Variants in PARD3B observed in about 807,000 individuals in gnomAD.
The protein encoded by PARD3B is par-3 family cell polarity regulator beta, also known as partitioning defective 3 homolog B.
PARD3B carries 103 observed loss-of-function variants against 130.2 expected under a neutral mutation model. The ratio of observed to expected loss-of-function variants is 0.79; its 90% CI spans 0.67 to 0.93. The LOEUF (loss-of-function observed/expected upper bound fraction) is 0.93, where lower values mean the gene tolerates loss of function less well. Ranked by LOEUF, PARD3B falls within the 40% of genes least tolerant of loss-of-function variation. The probability of loss-of-function intolerance (pLI) is 0.00; values close to 1 mark genes in which losing one functional copy is unlikely to be tolerated. For missense variants in PARD3B, 1,609 were observed against 1,499.2 expected, an observed-to-expected ratio of 1.07 and a Z score of -1.21; for synonymous variants, 583 against 553.2, an observed-to-expected ratio of 1.05 and a Z score of -0.76.
chr2:205,075,000 G>T (rs969835015), intron 4 of PARD3B, among the ~76,000 whole-genome samples: 2 of 152,106 alleles, frequency 1.3e-5, no homozygotes, highest in Non-Finnish European at 2.9e-5. Flanking sequence ...TAAGTTTGTT[G>T]TAGTGCCCAG....
intron 1 of PARD3B, among the ~76,000 whole-genome samples, chr2:204,607,961 T>G (rs951287291): frequency 6.6e-6 from 1 of 152,188 alleles, no homozygotes; most frequent in Non-Finnish European, 1.5e-5. Context: ...TTAGGAACCC[T>G]CAGTCTAGAA....
chr2:204,834,966 A>G (rs988789725), intron 2 of PARD3B, among the ~76,000 whole-genome samples: 1 of 152,222 alleles, frequency 6.6e-6, no homozygotes, highest in African/African-American at 2.4e-5. Flanking sequence ...TTTGAGTCCT[A>G]GTGTCACCAC....
At chr2:204,773,448 A>T (rs192971655) in intron 2 of PARD3B, among the ~76,000 whole-genome samples, 1 of 152,138 alleles carries the variant, frequency 6.6e-6, no homozygotes, top group Non-Finnish European at 1.5e-5. Flanking sequence ...TATAAATCAT[A>T]CAAAATACAA....
At chr2:205,127,958 A>G (rs2031624139) in intron 10 of PARD3B, among the ~76,000 whole-genome samples, 2 of 152,178 alleles carry the variant, frequency 1.3e-5, no homozygotes. Context: ...GTCTTTCTCT[A>G]CAAGGGTCAA....
intron 3 of PARD3B, among the ~76,000 whole-genome samples, chr2:205,004,728 C>T (rs921196251): frequency 6.6e-6 from 1 of 152,156 alleles, no homozygotes; most frequent in East Asian, 1.9e-4. Flanking sequence ...TTTATTATCA[C>T]TTCAAATATG....
At position 204,887,816 on chromosome 2, in the gene PARD3B, G is replaced by T. The variant is rs182709269; in HGVS notation, c.223-77336G>T. Among the ~76,000 whole-genome samples the T allele has an allele frequency of 1.1e-4, 16 of 152,316 alleles. No individual in the cohort carries two copies. The highest frequency in any genetic ancestry group is 1.6e-4 in the Non-Finnish European group (11 of 68,028). ...CAACCCTACCAGAGGCATACGACCA[G>T]ACAGTGCATGGTGCAATGCCAGAAG... On this transcript the variant is annotated intron_variant, in intron 2 of 22. Coordinates refer to ENST00000406610, the MANE Select transcript of PARD3B (RefSeq NM_001302769.2). The surrounding 1 kb of genome is among the most constrained non-coding windows in gnomAD (Gnocchi z 4.2).
chr2:204,715,750 T>C (rs909293084), intron 2 of PARD3B, among the ~76,000 whole-genome samples: 1 of 152,230 alleles, frequency 6.6e-6, no homozygotes, highest in Admixed American at 6.5e-5. Flanking sequence ...CTTTCACATA[T>C]GCTTCTTTCT....
intron 21 of PARD3B, among the ~76,000 whole-genome samples, chr2:205,523,209 A>ATGTG (rs36030743): frequency 0.084 from 11,841 of 141,272 alleles, 627 homozygotes; most frequent in African/African-American, 0.14. Context: ...CGTGTACTAT[A>ATGTG]TGTGTGTGTG....
intron 11 of PARD3B, among the ~76,000 whole-genome samples, chr2:205,169,853 A>G (rs1338402167): frequency 6.6e-6 from 1 of 152,142 alleles, no homozygotes; most frequent in Admixed American, 6.5e-5. Flanking sequence ...ATATGACAAT[A>G]GAGCAGAAAT....
intron 1 of PARD3B, among the ~76,000 whole-genome samples, chr2:204,640,598 C>G (rs1245566337): frequency 6.6e-6 from 1 of 152,164 alleles, no homozygotes; most frequent in Non-Finnish European, 1.5e-5. Flanking sequence ...ACCTGAGATA[C>G]TGCACTGTCC....
At chr2:204,718,004 A>G (rs143364467) in intron 2 of PARD3B, among the ~76,000 whole-genome samples, 35 of 152,296 alleles carry the variant, frequency 2.3e-4, no homozygotes, top group African/African-American at 8.2e-4. Context: ...GAATGTTCCA[A>G]TTATGGCTCT....
chr2:205,196,479 T>C (rs1036115271), intron 15 of PARD3B, among the ~76,000 whole-genome samples: 1 of 152,202 alleles, frequency 6.6e-6, no homozygotes, highest in African/African-American at 2.4e-5. Flanking sequence ...CAACCCATTA[T>C]TTGTCTTTTT....
At chr2:205,478,641 A>G (rs188683679) in intron 20 of PARD3B, among the ~76,000 whole-genome samples, 66 of 152,346 alleles carry the variant, frequency 4.3e-4, no homozygotes, top group African/African-American at 1.5e-3. Context: ...AGAAAGCGAT[A>G]TGCTTATTAG....
At chr2:204,958,684 T>C in intron 2 of PARD3B, among the ~76,000 whole-genome samples, 1 of 152,120 alleles carries the variant, frequency 6.6e-6, no homozygotes, top group East Asian at 1.9e-4. Flanking sequence ...AACCTTTCAT[T>C]GTGTGCCAGC....
Position 205,015,549 on chromosome 2 carries a change from G to A in PARD3B, c.395-32032G>A, listed in dbSNP as rs1696079890. On this transcript the variant is annotated intron_variant, in intron 3 of 22. Coordinates refer to ENST00000406610, the MANE Select transcript of PARD3B (RefSeq NM_001302769.2). This position sits in a 1 kb window ranked among gnomAD's most constrained non-coding sequence, Gnocchi z 4.5. ...CAGTCTTGAGCTTCACAACAAACAG[G>A]TATTGGATGATAGTTGGGGAATTGA... Among the ~76,000 whole-genome samples, 1 of 152,158 alleles carries A rather than the reference G, an allele frequency of 6.6e-6. No individual in the cohort carries two copies. The highest frequency in any genetic ancestry group is 2.4e-5 in the African/African-American group (1 of 41,434).
In PARD3B at chr2:204,669,473, C is replaced by T. The variant is rs1232837036; in HGVS notation, c.121-16708C>T. 6.6e-6 allele frequency among the ~76,000 whole-genome samples: 1 copy of T among 152,100 alleles called. No individual in the cohort carries two copies. Among genetic ancestry groups the T allele is most frequent in the African/African-American group, 2.4e-5 (1 of 41,426 alleles). On this transcript the variant is annotated intron_variant, in intron 1 of 22. Coordinates refer to ENST00000406610, the MANE Select transcript of PARD3B (RefSeq NM_001302769.2). The surrounding 1 kb of genome is among the most constrained non-coding windows in gnomAD (Gnocchi z 4.3). ...ATATAAAGTCACCTCTTATAACTTGCATAACAGTAACCCAACATGCTTTTG... is the reference window on the plus strand; with the variant it reads ...ATATAAAGTCACCTCTTATAACTTGTATAACAGTAACCCAACATGCTTTTG...
intron 2 of PARD3B, among the ~76,000 whole-genome samples, chr2:204,827,512 T>C (rs115865461): frequency 6.6e-6 from 1 of 152,324 alleles, no homozygotes; most frequent in African/African-American, 2.4e-5. Context: ...GACTTTAAAG[T>C]TGAAATTTGC....
intron 2 of PARD3B, among the ~76,000 whole-genome samples, chr2:204,802,024 T>G (rs1271200334): frequency 6.6e-6 from 1 of 152,198 alleles, no homozygotes; most frequent in African/African-American, 2.4e-5. Context: ...TTTGCATATG[T>G]TGAACAAGCG....
intron 2 of PARD3B, among the ~76,000 whole-genome samples, chr2:204,774,202 A>T (rs1384276370): frequency 6.6e-6 from 1 of 151,790 alleles, no homozygotes; most frequent in African/African-American, 2.4e-5. Context: ...TGTATCTATT[A>T]TGCTGTTTTG....
Sources: gnomAD v4.1 joint callset for allele counts (sites outside exome capture counted in the v4.1 genomes callset) on GRCh38, gnomAD v4.1.1 for gene constraint, Gnocchi (gnomAD v3.1) non-coding constraint, MANE v1.5 for transcripts, NCBI Gene and HGNC (gene_info 2026-07-23, HGNC 2026-07-21) for gene names.